The following TPGS2 variants were observed in gnomAD, a reference collection of about 807,000 sequenced individuals.
TPGS2 encodes tubulin polyglutamylase complex subunit 2.
TPGS2 carries 26 observed loss-of-function variants against 31.1 expected under a neutral mutation model. The observed-to-expected ratio is 0.84, with a 90% CI of 0.61 to 1.16. TPGS2 has a LOEUF of 1.16. Ranked by LOEUF, TPGS2 falls within the 50% of genes most tolerant of loss-of-function variation. The pLI is 0.00. For missense variants in TPGS2, 351 were observed against 363.8 expected, an observed-to-expected ratio of 0.96 and a Z score of 0.29; for synonymous variants, 130 against 136.6, an observed-to-expected ratio of 0.95 and a Z score of 0.34.
chr18:36,811,839 G>A (rs1456690257), intron 2 of TPGS2, among the ~76,000 whole-genome samples: 3 of 152,212 alleles, frequency 2.0e-5, no homozygotes, highest in Non-Finnish European at 4.4e-5. Flanking sequence ...AGAGAAATGA[G>A]GGAAGGGGCA....
Position 36,798,618 on chromosome 18 carries a change from G to GAAGA in TPGS2, c.497-13_497-10dup, listed in dbSNP as rs769412263. The GAAGA allele has an allele frequency of 1.2e-6, 2 of 1,609,802 alleles. No individual in the cohort carries two copies. The highest frequency in any genetic ancestry group is 1.1e-5 in the South Asian group (1 of 90,824). On this transcript the variant is annotated splice_polypyrimidine_tract_variant and intron_variant, in intron 5 of 6. Coordinates refer to ENST00000334295, the MANE Select transcript of TPGS2 (RefSeq NM_015476.4). ...AGTGTCTTCTGCTAATGCTGAAGTA[G>GAAGA]AAGACAAAGGAAGTAAAAGATAAAG...
In TPGS2 at chr18:36,795,618, T is replaced by C. The variant is rs748437787; in HGVS notation, c.*1187A>G. ...CTGAGCAACCTTCTCTGTAAAAATT[T>C]CATTAAATGTAGTAGGTATGTCAGA... is the stretch of plus-strand genomic sequence containing the variant. On this transcript the variant is annotated 3_prime_UTR_variant, in exon 7 of 7. Coordinates refer to ENST00000334295, the MANE Select transcript of TPGS2 (RefSeq NM_015476.4). 10 of 985,464 alleles carry C rather than the reference T, an allele frequency of 1.0e-5. No individual in the cohort carries two copies. Among genetic ancestry groups the C allele is most frequent in the Non-Finnish European group, 1.2e-5 (10 of 829,938 alleles). The allele number at this position is 985,464 out of a possible 1,614,324, so 61.0% of individuals were successfully genotyped here. A position where few individuals can be genotyped will look rare whatever the true frequency, so the allele number is the denominator to read the frequency against.
chr18:36,781,636 T>C (rs2044018887), downstream of TPGS2, among the ~76,000 whole-genome samples: 1 of 152,180 alleles, frequency 6.6e-6, no homozygotes, highest in Non-Finnish European at 1.5e-5. Flanking sequence ...AGTGAGACTC[T>C]GTCTCCAAAA....
chr18:36,807,019 T>C (rs1370324124), intron 3 of TPGS2, among the ~76,000 whole-genome samples: 1 of 151,578 alleles, frequency 6.6e-6, no homozygotes, highest in African/African-American at 2.4e-5. Flanking sequence ...CAGAAGTCAC[T>C]GCATTTTTAG....
intron 2 of TPGS2, among the ~76,000 whole-genome samples, chr18:36,808,296 C>T (rs1190037160): frequency 6.6e-6 from 1 of 152,096 alleles, no homozygotes; most frequent in Admixed American, 6.5e-5. Flanking sequence ...CAATCACTGC[C>T]GTACATATCA....
At position 36,805,494 on chromosome 18, in the gene TPGS2, T is replaced by A; in HGVS notation, c.262A>T (p.Ile88Phe). The A allele has an allele frequency of 6.2e-7, 1 of 1,614,104 alleles. No homozygotes were observed. The highest frequency in any genetic ancestry group is 8.5e-7 in the Non-Finnish European group (1 of 1,179,964). The part of the protein sequence containing the change: ...TWSVKLDEHI[I>F]PLGSMAINSI... Reference sequence around the variant, plus strand: ...TTAATTGCCATGCTTCCCAGTGGAATGATGTGCTCTAGGGGAACATGCGTT... The same window carrying A: ...TTAATTGCCATGCTTCCCAGTGGAAAGATGTGCTCTAGGGGAACATGCGTT... The change falls in exon 4 of 7, where the codon ATT (isoleucine) becomes TTT (phenylalanine). Residue 88 changes from isoleucine (I) to phenylalanine (F), a missense_variant. Transcript: ENST00000334295.
At chr18:36,825,445 A>G (rs943927112) in intron 1 of TPGS2, among the ~76,000 whole-genome samples, 3 of 152,020 alleles carry the variant, frequency 2.0e-5, no homozygotes, top group African/African-American at 7.2e-5. Context: ...AAAAAAAAAA[A>G]AAAAAAAAAT....
intron 4 of TPGS2, among the ~76,000 whole-genome samples, chr18:36,801,845 G>A (rs116259614): frequency 0.014 from 2,125 of 152,222 alleles, 47 homozygotes; most frequent in African/African-American, 0.049. Flanking sequence ...TATTGGATAC[G>A]TGGATTTATA....
chr18:36,801,053 A>G (rs1162694538), intron 4 of TPGS2, among the ~76,000 whole-genome samples: 2 of 152,142 alleles, frequency 1.3e-5, no homozygotes, highest in East Asian at 3.9e-4. Flanking sequence ...TTAAATGACT[A>G]TTTCATAGTC....
chr18:36,786,996 GCTC>G, intron 6 of TPGS2: 6 of 1,234,368 alleles, frequency 4.9e-6, no homozygotes, highest in Non-Finnish European at 6.1e-6. Context: ...CAGAGACACA[GCTC>G]CTCAGCTCCC....
downstream of TPGS2, chr18:36,780,059 A>T (rs2043964688): frequency 2.0e-6 from 2 of 1,009,490 alleles, no homozygotes; most frequent in African/African-American, 1.7e-5. Flanking sequence ...TAATGCCATA[A>T]TGAGAAACTT....
chr18:36,783,899 G>A (rs946122768), intron 6 of TPGS2, among the ~76,000 whole-genome samples: 3 of 152,074 alleles, frequency 2.0e-5, no homozygotes, highest in African/African-American at 4.8e-5. Context: ...TGGATCATCC[G>A]GGTATTCTCT....
At chr18:36,809,750 A>T (rs1223922415) in intron 2 of TPGS2, among the ~76,000 whole-genome samples, 1 of 152,194 alleles carries the variant, frequency 6.6e-6, no homozygotes, top group Non-Finnish European at 1.5e-5. Flanking sequence ...TTTGATCACT[A>T]GTGCCATCTA....
rs2044644045 is a variant in TPGS2 at position 36,798,531 on chromosome 18, T to C, written c.575A>G (p.Tyr192Cys). 4 of 1,614,032 alleles carry C rather than the reference T, an allele frequency of 2.5e-6. No individual in the cohort carries two copies. Among genetic ancestry groups the C allele is most frequent in the African/African-American group, 1.3e-5 (1 of 74,914 alleles). ...CAGGTGGGTGATGAGCAGGCGGTAATAGGCAGTAAAGGTGTCTGTGAGAAA... is the reference window on the plus strand; with the variant it reads ...CAGGTGGGTGATGAGCAGGCGGTAACAGGCAGTAAAGGTGTCTGTGAGAAA... Reference protein sequence around the residue: ...WHFLTDTFTAYYRLLITHLGL... With the variant: ...WHFLTDTFTACYRLLITHLGL... The change falls in exon 6 of 7, where the codon TAT (tyrosine) becomes TGT (cysteine). Residue 192 changes from tyrosine to cysteine, a missense_variant. Transcript: ENST00000334295.
At chr18:36,820,474 G>A (rs568656744) in intron 1 of TPGS2, among the ~76,000 whole-genome samples, 66 of 152,158 alleles carry the variant, frequency 4.3e-4, no homozygotes, top group Non-Finnish European at 1.8e-4. Context: ...TCCTATATCC[G>A]ACACAGTACT....
Position 36,794,676 on chromosome 18 carries a change from T to A in TPGS2, c.*2129A>T. On this transcript the variant is annotated 3_prime_UTR_variant, in exon 7 of 7. Transcript: ENST00000334295. The stretch of plus-strand genomic sequence containing the variant: ...GAAAAATACTTCTGGAAGACTAAAC[T>A]CCAGCTATTGTCCTCAACAACTTGG... The A allele has an allele frequency of 1.0e-6, 1 of 985,396 alleles. No individual in the cohort carries two copies. Among genetic ancestry groups the A allele is most frequent in the South Asian group, 4.7e-5 (1 of 21,288 alleles). 61.0% of individuals were successfully genotyped at this position (985,396 alleles called of 1,614,324 possible).
rs1221465535 is a variant in TPGS2, at chr18:36,795,759, C to T, written c.*1046G>A. ...TTCCAAAGGAACTCTTGGAAGCCCA[C>T]CCTGTTCTAAGCAGGAGACTGCTTG... On this transcript the variant is annotated 3_prime_UTR_variant, in exon 7 of 7. Transcript: ENST00000334295. The T allele has an allele frequency of 2.0e-6, 2 of 985,264 alleles. No individual in the cohort carries two copies. The highest frequency in any genetic ancestry group is 3.5e-5 in the African/African-American group (2 of 57,212). The allele number at this position is 985,264 out of a possible 1,614,324, so 61.0% of individuals were successfully genotyped here.
chr18:36,812,042 C>T (rs1024966701), intron 2 of TPGS2, among the ~76,000 whole-genome samples: 5 of 152,224 alleles, frequency 3.3e-5, no homozygotes, highest in African/African-American at 1.2e-4. Context: ...AAAACTTTCA[C>T]TGTCCTGTTA....
chr18:36,793,357 A>T (rs2044380056), downstream of TPGS2, among the ~76,000 whole-genome samples: 1 of 152,360 alleles, frequency 6.6e-6, no homozygotes, highest in South Asian at 2.1e-4. Context: ...CAAAGTGAGT[A>T]CAAAGTAAGC....
Sources: gnomAD v4.1 joint callset for allele counts (sites outside exome capture counted in the v4.1 genomes callset) on GRCh38, gnomAD v4.1.1 for gene constraint, MANE v1.5 for transcripts, NCBI Gene and HGNC (gene_info 2026-07-23, HGNC 2026-07-21) for gene names.